SLC24A3: variants seen among roughly 807,000 people sequenced by gnomAD.
The protein encoded by SLC24A3 is solute carrier family 24 member 3.
SLC24A3 carries 28 observed loss-of-function variants against 75.8 expected under a neutral mutation model. The ratio of observed to expected loss-of-function variants is 0.37; its 90% CI spans 0.27 to 0.51. The LOEUF (loss-of-function observed/expected upper bound fraction) is 0.51. Among genes scored for constraint, SLC24A3 ranks in the 20% least tolerant of loss-of-function variants. The pLI is 0.94. For synonymous variants in SLC24A3, 372 were observed against 334.1 expected (o/e 1.11, Z -1.24); for missense variants, 663 against 847.8 (o/e 0.78, Z 2.71).
chr20:19,344,607 G>C (rs1446698680), intron 2 of SLC24A3, among the ~76,000 whole-genome samples: 2 of 152,156 alleles, frequency 1.3e-5, no homozygotes, highest in African/African-American at 4.8e-5. Flanking sequence ...CTTGGGAGGC[G>C]GGGAGGACTG....
In SLC24A3 at chr20:19,325,793, TATAGAG is replaced by T. The variant is rs1454501535; in HGVS notation, c.271+44708_271+44713del. Among the ~76,000 whole-genome samples, 136 of 82,748 alleles carry T rather than the reference TATAGAG, an allele frequency of 1.6e-3. 2 individuals are homozygous for T. Among genetic ancestry groups the T allele is most frequent in the East Asian group, 7.5e-3 (16 of 2,138 alleles). The allele number at this position is 82,748 out of a possible 152,430, so 54.3% of individuals were successfully genotyped here. A position where few individuals can be genotyped will look rare whatever the true frequency, so the allele number is the denominator to read the frequency against. On this transcript the variant is annotated intron_variant, in intron 2 of 16. Coordinates refer to ENST00000328041, the MANE Select transcript of SLC24A3 (RefSeq NM_020689.4). The stretch of plus-strand genomic sequence containing the variant: ...ATATATATACATATATATATATATA[TATAGAG>T]AGAGAGAGAGAGAGAGAGAGAGAGA...
chr20:19,221,682 C>T (rs1981716399), intron 1 of SLC24A3, among the ~76,000 whole-genome samples: 1 of 152,152 alleles, frequency 6.6e-6, no homozygotes, highest in Non-Finnish European at 1.5e-5. Flanking sequence ...TCCATTGTTG[C>T]CTCTGAGAAA....
chr20:19,322,052 G>T (rs754498532), intron 2 of SLC24A3, among the ~76,000 whole-genome samples: 5 of 152,036 alleles, frequency 3.3e-5, no homozygotes, highest in Admixed American at 6.5e-5. Flanking sequence ...CCTTCCCAGT[G>T]CATCACTTCA....
intron 3 of SLC24A3, among the ~76,000 whole-genome samples, chr20:19,532,687 C>A (rs1376358885): frequency 2.0e-5 from 3 of 152,216 alleles, no homozygotes; most frequent in African/African-American, 7.2e-5. Context: ...GCCCATGGAG[C>A]ACTTGCACCA....
At chr20:19,686,723 A>C (rs1175661205) in intron 12 of SLC24A3, among the ~76,000 whole-genome samples, 2 of 152,124 alleles carry the variant, frequency 1.3e-5, no homozygotes, top group African/African-American at 2.4e-5. Flanking sequence ...TAAAACTTGA[A>C]CCAGAGATGC....
chr20:19,485,312 T>G (rs1988112678), intron 2 of SLC24A3, among the ~76,000 whole-genome samples: 1 of 152,182 alleles, frequency 6.6e-6, no homozygotes, highest in African/African-American at 2.4e-5. Context: ...TGACACCCAG[T>G]AAGTGAATGA....
At chr20:19,330,454 A>G (rs554151524) in intron 2 of SLC24A3, among the ~76,000 whole-genome samples, 1 of 152,348 alleles carries the variant, frequency 6.6e-6, no homozygotes, top group African/African-American at 2.4e-5. Context: ...CCTCTTTTAT[A>G]CAGAAGCCAT....
At chr20:19,415,977 G>T (rs146181534) in intron 2 of SLC24A3, among the ~76,000 whole-genome samples, 2 of 152,202 alleles carry the variant, frequency 1.3e-5, no homozygotes, top group Admixed American at 6.5e-5. Flanking sequence ...GTTCAGACAG[G>T]CCTGGCTTTG....
At chr20:19,520,216 G>T (rs1008215942) in intron 3 of SLC24A3, among the ~76,000 whole-genome samples, 1 of 152,174 alleles carries the variant, frequency 6.6e-6, no homozygotes. Flanking sequence ...TAGATGTGCT[G>T]GGAAAAGACA....
At chr20:19,359,722 G>A (rs192078003) in intron 2 of SLC24A3, among the ~76,000 whole-genome samples, 2 of 152,298 alleles carry the variant, frequency 1.3e-5, no homozygotes, top group East Asian at 3.9e-4. Context: ...AGGGGTGGGT[G>A]TTCTGGCTCT....
chr20:19,317,367 GAGGTCTT>G (rs1984610242), intron 2 of SLC24A3, among the ~76,000 whole-genome samples: 2 of 152,308 alleles, frequency 1.3e-5, no homozygotes, highest in Admixed American at 6.5e-5. Flanking sequence ...ACATGCATTC[GAGGTCTT>G]AGAATCATCT....
chr20:19,590,971 C>T (rs1039166676), intron 6 of SLC24A3, among the ~76,000 whole-genome samples: 1 of 152,204 alleles, frequency 6.6e-6, no homozygotes, highest in Non-Finnish European at 1.5e-5. Context: ...AGTCTTATGA[C>T]TGACCATCTG....
chr20:19,712,435 T>C (rs1231099481), intron 15 of SLC24A3, among the ~76,000 whole-genome samples: 3 of 151,860 alleles, frequency 2.0e-5, no homozygotes, highest in African/African-American at 4.8e-5. Flanking sequence ...ATAGGGACAA[T>C]AGTGAACTTG....
At chr20:19,634,340 T>C (rs1438190596) in intron 6 of SLC24A3, among the ~76,000 whole-genome samples, 1 of 152,214 alleles carries the variant, frequency 6.6e-6, no homozygotes, top group Non-Finnish European at 1.5e-5. Context: ...CATTTACAGA[T>C]GCTAGTTGCC....
At chr20:19,463,380 A>ATAAT (rs1987711200) in intron 2 of SLC24A3, among the ~76,000 whole-genome samples, 1 of 152,226 alleles carries the variant, frequency 6.6e-6, no homozygotes, top group African/African-American at 2.4e-5. Context: ...TTAACATTTC[A>ATAAT]GTCTTGGTGA....
intron 12 of SLC24A3, among the ~76,000 whole-genome samples, chr20:19,687,441 C>T (rs1343113354): frequency 6.6e-6 from 1 of 152,246 alleles, no homozygotes. Flanking sequence ...GCTGATAGCT[C>T]ATCCCACTCA....
At position 19,628,202 on chromosome 20, in the gene SLC24A3, CAAAAAAAA is replaced by C. The variant is rs776701707; in HGVS notation, c.613-25847_613-25840del. ...CTGGCGACACAGCGAGACTCCATCT[CAAAAAAAA>C]AAAAAAAAAAAAGAAAAAGAAAAAA... On this transcript the variant is annotated intron_variant, in intron 6 of 16. Coordinates refer to ENST00000328041, the MANE Select transcript of SLC24A3 (RefSeq NM_020689.4). 6.9e-4 allele frequency among the ~76,000 whole-genome samples: 36 copies of C among 51,818 alleles called. 1 individual carries two copies. Among genetic ancestry groups the C allele is most frequent in the Middle Eastern group, 0.023 (2 of 86 alleles). 34.0% of individuals were successfully genotyped at this position (51,818 alleles called of 152,430 possible).
At chr20:19,428,587 A>T (rs1239576504) in intron 2 of SLC24A3, among the ~76,000 whole-genome samples, 2 of 152,224 alleles carry the variant, frequency 1.3e-5, no homozygotes, top group African/African-American at 4.8e-5. Context: ...AGTAAGCTAC[A>T]GTGTAATTGC....
chr20:19,293,060 G>C (rs905730307), intron 2 of SLC24A3, among the ~76,000 whole-genome samples: 1 of 132,292 alleles, frequency 7.6e-6, no homozygotes, highest in Non-Finnish European at 1.7e-5. Context: ...TGAGAATTTG[G>C]GGGGAACATA....
Sources: allele counts gnomAD v4.1 joint callset (sites outside exome capture counted in the v4.1 genomes callset), GRCh38; gene constraint gnomAD v4.1.1; transcripts MANE v1.5; gene names NCBI Gene and HGNC (gene_info 2026-07-23, HGNC 2026-07-21).